The following SMARCA4 variants were observed in gnomAD, a reference collection of about 807,000 sequenced individuals.
The protein encoded by SMARCA4 is SWI/SNF-related matrix-associated actin-dependent regulator of chromatin subfamily A member 4.
In SMARCA4, 31 loss-of-function variants were observed where a neutral mutation model predicts 193.9. The ratio of observed to expected loss-of-function variants is 0.16; its 90% confidence interval spans 0.12 to 0.22. The LOEUF (loss-of-function observed/expected upper bound fraction) is 0.22, where lower values mean the gene tolerates loss of function less well. Ranked by LOEUF, SMARCA4 falls within the 10% of genes least tolerant of loss-of-function variation. The pLI is 1.00. For missense variants in SMARCA4, 1,148 were observed against 2,296.0 expected (o/e 0.50, Z 10.22); for synonymous variants, 942 against 933.1 (o/e 1.01, Z -0.17).
rs1599968129 is a variant in SMARCA4, at chr19:10,987,754, T to G, written c.948T>G (p.Pro316=). 6.4e-7 allele frequency: 1 copy of G among 1,570,836 alleles called. No homozygotes were observed. The highest frequency in any genetic ancestry group is 1.4e-5 in the African/African-American group (1 of 73,222). Residue 316 remains proline, a synonymous_variant, in exon 6 of 35, where the codon CCT becomes CCG. Coordinates refer to ENST00000344626, the MANE Select transcript of SMARCA4 (RefSeq NM_003072.5). This position sits in a 1 kb window ranked among gnomAD's most constrained non-coding sequence, Gnocchi z 5.3. ...QPTGRPSPAP[P]AVPPAASPVM... ...CGGGCCGCCCTTCCCCCGCGCCCCC[T>G]GCCGTCCCACCCGCCGCCTCGCCCG...
At chr19:11,015,369 C>A (rs2089258755) in intron 16 of SMARCA4, among the ~76,000 whole-genome samples, 1 of 152,176 alleles carries the variant, frequency 6.6e-6, no homozygotes, top group Non-Finnish European at 1.5e-5. Context: ...TCGTCTTTGT[C>A]CTGGTCGAGC....
At chr19:11,010,597 C>T (rs1042118667) in intron 15 of SMARCA4, 66 bp downstream of exon 15, 59 of 1,520,426 alleles carry the variant, frequency 3.9e-5, no homozygotes, top group South Asian at 9.0e-5. Context: ...CCAGGTGGTG[C>T]GGGCTTCAGA....
chr19:11,003,915 T>C (rs56122482), intron 13 of SMARCA4, among the ~76,000 whole-genome samples: 35,937 of 151,510 alleles, frequency 0.24, 4,305 homozygotes, highest in South Asian at 0.35. Flanking sequence ...TTTCATCATA[T>C]TGGCCAGGCT....
chr19:11,061,963 A>G lies in SMARCA4; in HGVS notation c.*147A>G. 1 of 775,216 alleles carries G rather than the reference A, an allele frequency of 1.3e-6. No individual in the cohort carries two copies. Among genetic ancestry groups the G allele is most frequent in the South Asian group, 1.5e-5 (1 of 68,390 alleles). 48.0% of individuals were successfully genotyped at this position (775,216 alleles called of 1,614,324 possible). ...AGAATCTTCCATATTTATACAGCAG[A>G]GAAGCTGTAGGACTGTTTGTGACTG... On this transcript the variant is annotated 3_prime_UTR_variant, in exon 35 of 35. Coordinates refer to ENST00000344626, the MANE Select transcript of SMARCA4 (RefSeq NM_003072.5).
intron 1 of SMARCA4, among the ~76,000 whole-genome samples, chr19:10,966,825 T>A (rs907756675): frequency 6.7e-6 from 1 of 148,490 alleles, no homozygotes; most frequent in Admixed American, 6.8e-5. Context: ...GAGGCCAAGG[T>A]TGCAGGGAGC....
Position 11,041,679 on chromosome 19 carries a change from A to C in SMARCA4, c.4424+119A>C. On this transcript the variant is annotated intron_variant, in intron 30 of 34. Coordinates refer to ENST00000344626, the MANE Select transcript of SMARCA4 (RefSeq NM_003072.5). This position sits in a 1 kb window ranked among gnomAD's most constrained non-coding sequence, Gnocchi z 5.6. ...CCGCTCACTCTTTCACTCATCCACA[A>C]ACACTGACTGAATCTCTGTGTCTTT... 1 of 828,424 alleles carries C rather than the reference A, an allele frequency of 1.2e-6. No individual in the cohort carries two copies. The allele number at this position is 828,424 out of a possible 1,614,324, so 51.3% of individuals were successfully genotyped here.
At chr19:11,027,754 G>A (rs1320173340) in intron 23 of SMARCA4, 30 bp from the exon 24 acceptor site, 13 of 1,613,302 alleles carry the variant, frequency 8.1e-6, no homozygotes, top group East Asian at 4.5e-5. Flanking sequence ...AACATCCTGC[G>A]CCTTCTCTCC....
chr19:10,984,804 C>G lies in SMARCA4; in HGVS notation c.222+431C>G, dbSNP rs1599934683. Among the ~76,000 whole-genome samples the G allele has an allele frequency of 2.0e-5, 3 of 152,364 alleles. No homozygotes were observed. The East Asian group carries it at 5.8e-4, about 29-fold the overall frequency. Reference sequence around the variant, plus strand: ...CTTTCCTCCAAGGCGTGCCCCTCAGCCACTGTCTTTACCTCACCTGCGCTG... The same window carrying G: ...CTTTCCTCCAAGGCGTGCCCCTCAGGCACTGTCTTTACCTCACCTGCGCTG... On this transcript the variant is annotated intron_variant, in intron 2 of 34. Coordinates refer to ENST00000344626, the MANE Select transcript of SMARCA4 (RefSeq NM_003072.5). This position sits in a 1 kb window ranked among gnomAD's most constrained non-coding sequence, Gnocchi z 4.3.
intron 14 of SMARCA4, among the ~76,000 whole-genome samples, chr19:11,008,843 G>A (rs2088505213): frequency 6.6e-6 from 1 of 151,528 alleles, no homozygotes; most frequent in Admixed American, 6.6e-5. Flanking sequence ...GCGTGGTGGC[G>A]TGCACCTGGA....
At chr19:10,969,346 A>G (rs549635534) in intron 1 of SMARCA4, among the ~76,000 whole-genome samples, 1 of 152,300 alleles carries the variant, frequency 6.6e-6, no homozygotes, top group East Asian at 1.9e-4. Flanking sequence ...CCCTTGGCTC[A>G]AAGGATCTGC....
chr19:10,964,034 G>A (rs572954437), intron 1 of SMARCA4, among the ~76,000 whole-genome samples: 3 of 152,336 alleles, frequency 2.0e-5, no homozygotes, highest in South Asian at 2.1e-4. Context: ...TTTAGGAGAC[G>A]TAAATGTTGA....
At position 11,021,835 on chromosome 19, in the gene SMARCA4, G is replaced by C. The variant is rs1216679238; in HGVS notation, c.2727G>C (p.Leu909=). ...ATGTGGCACCCCGCCGCCTGCTGCT[G>C]ACGGGCACACCGCTGCAGAACAAGC... ...THYVAPRRLL[L]TGTPLQNKLP... is the part of the protein sequence containing the mutation. Residue 909 remains leucine, a synonymous_variant, in exon 19 of 35, where the codon CTG becomes CTC. Coordinates refer to ENST00000344626, the MANE Select transcript of SMARCA4 (RefSeq NM_003072.5). 2 of 1,613,656 alleles carry C rather than the reference G, an allele frequency of 1.2e-6. No individual in the cohort carries two copies. The highest frequency in any genetic ancestry group is 1.3e-5 in the African/African-American group (1 of 74,956).
intron 1 of SMARCA4, among the ~76,000 whole-genome samples, chr19:10,975,131 C>T (rs1300805981): frequency 6.8e-6 from 1 of 147,988 alleles, no homozygotes; most frequent in East Asian, 2.0e-4. Flanking sequence ...ATTATCGTGC[C>T]TCAGCCTCCT....
chr19:10,988,068 C>A, intron 6 of SMARCA4, 144 bp downstream of exon 6: 1 of 761,222 alleles, frequency 1.3e-6, no homozygotes. Context: ...TTCCTCACCT[C>A]CCTGCTCCCA....
chr19:10,991,806 G>T (rs979315724), intron 8 of SMARCA4, among the ~76,000 whole-genome samples: 2 of 152,168 alleles, frequency 1.3e-5, no homozygotes, highest in African/African-American at 4.8e-5. Flanking sequence ...AGAGCTGGAG[G>T]AAGGGAGCGC....
chr19:11,051,067 G>A (rs2076230269), intron 30 of SMARCA4, among the ~76,000 whole-genome samples: 1 of 152,250 alleles, frequency 6.6e-6, no homozygotes, highest in Non-Finnish European at 1.5e-5. Context: ...TAAAAGTCAT[G>A]GATGGAGTTG....
Position 11,045,430 on chromosome 19 carries a change from G to A in SMARCA4, c.4424+3870G>A, listed in dbSNP as rs185895926. On this transcript the variant is annotated intron_variant, in intron 30 of 34. Transcript: ENST00000344626. The stretch of plus-strand genomic sequence containing the variant: ...CCTTGAGAGAGGGAATAGCAGGAAA[G>A]CCACACGACGAGCCTTCTAGGATAC... 8.1e-4 allele frequency among the ~76,000 whole-genome samples: 124 copies of A among 152,296 alleles called. 1 individual carries two copies. The highest frequency in any genetic ancestry group is 3.0e-3 in the African/African-American group (123 of 41,558).
At position 11,041,591 on chromosome 19, in the gene SMARCA4, G is replaced by A. The variant is rs776592334; in HGVS notation, c.4424+31G>A. The A allele has an allele frequency of 6.2e-5, 99 of 1,603,904 alleles. No homozygotes were observed. In the East Asian group the frequency reaches 2.1e-3, roughly 34 times the overall value. ...CGAGGAGGCGGGGAGGGCGGGGGCT[G>A]TAGGGGTCCCCGTGGGAGCAGGCCT... is the stretch of plus-strand genomic sequence containing the variant. On this transcript the variant is annotated intron_variant, in intron 30 of 34. Transcript: ENST00000344626. This position sits in a 1 kb window ranked among gnomAD's most constrained non-coding sequence, Gnocchi z 5.6.
At chr19:10,999,211 T>TC (rs2087387455) in intron 11 of SMARCA4, among the ~76,000 whole-genome samples, 1 of 152,130 alleles carries the variant, frequency 6.6e-6, no homozygotes, top group Admixed American at 6.6e-5. Context: ...TGGCTATATT[T>TC]CGTATTATTA....
Sources: allele counts gnomAD v4.1 joint callset (sites outside exome capture counted in the v4.1 genomes callset), GRCh38; gene constraint gnomAD v4.1.1; non-coding constraint Gnocchi (gnomAD v3.1); transcripts MANE v1.5; gene names NCBI Gene and HGNC (gene_info 2026-07-23, HGNC 2026-07-21).